CNTN5: variants seen among roughly 807,000 people sequenced by gnomAD.
The protein encoded by CNTN5 is contactin 5.
In CNTN5, 77 loss-of-function variants were observed where a neutral mutation model predicts 129.1. That is an observed-to-expected ratio of 0.60 (90% CI 0.50 to 0.72). The LOEUF is 0.72. Ranked by LOEUF, CNTN5 falls within the 30% of genes least tolerant of loss-of-function variation. The pLI, the probability that CNTN5 is intolerant of heterozygous loss-of-function variation, is 0.00. For synonymous variants in CNTN5, 509 were observed against 465.6 expected (o/e 1.09, Z -1.20); for missense variants, 1,478 against 1,328.8 (o/e 1.11, Z -1.75).
intron 3 of CNTN5, among the ~76,000 whole-genome samples, chr11:99,680,184 A>AT: frequency 6.6e-6 from 1 of 152,308 alleles, no homozygotes; most frequent in Middle Eastern, 3.4e-3. Flanking sequence ...ATCTAAGATC[A>AT]TGGACAAAAC....
chr11:99,139,101 ACC>A lies in CNTN5; in HGVS notation c.-210+117842_-210+117843del, dbSNP rs113293616. On this transcript the variant is annotated intron_variant, in intron 1 of 24. Coordinates refer to ENST00000524871, the MANE Select transcript of CNTN5 (RefSeq NM_014361.4). ...GAAACTCCATCTCTACCCCCTCCCC[ACC>A]CCCCCCCCCCAAAAATTAGCCAGGC... Among the ~76,000 whole-genome samples, 20 of 129,072 alleles carry A rather than the reference ACC, an allele frequency of 1.5e-4. No individual in the cohort carries two copies. The South Asian group carries it at 2.4e-3, about 15-fold the overall frequency. The allele number at this position is 129,072 out of a possible 152,430, so 84.7% of individuals were successfully genotyped here. A position where few individuals can be genotyped will look rare whatever the true frequency, so the allele number is the denominator to read the frequency against.
intron 17 of CNTN5, among the ~76,000 whole-genome samples, chr11:100,262,725 T>G (rs902907218): frequency 6.6e-6 from 1 of 152,000 alleles, no homozygotes; most frequent in African/African-American, 2.4e-5. Flanking sequence ...CACTCATAAG[T>G]GGAAGTTGAA....
At position 100,193,505 on chromosome 11, in the gene CNTN5, C is replaced by A; in HGVS notation, c.1726C>A (p.Leu576Ile). 1 of 1,595,776 alleles carries A rather than the reference C, an allele frequency of 6.3e-7. No homozygotes were observed. Among genetic ancestry groups the A allele is most frequent in the Non-Finnish European group, 8.6e-7 (1 of 1,169,106 alleles). The change falls in exon 15 of 25, where the codon CTT becomes ATT. Residue 576 changes from leucine (L) to isoleucine (I), a missense_variant. By Grantham distance (5) the Leu-to-Ile change is conservative. Coordinates refer to ENST00000524871, the MANE Select transcript of CNTN5 (RefSeq NM_014361.4). ...TTCTATAGAACCTACAAGGATAGAACTTACTCCTAAAAGAACAGAATTGAC... is the reference window on the plus strand; with the variant it reads ...TTCTATAGAACCTACAAGGATAGAAATTACTCCTAAAAGAACAGAATTGAC... ...LSVKEPTRIE[L>I]TPKRTELTVG...
At chr11:100,113,653 A>G (rs913506017) in intron 13 of CNTN5, among the ~76,000 whole-genome samples, 7 of 151,940 alleles carry the variant, frequency 4.6e-5, no homozygotes, top group Admixed American at 1.3e-4. Context: ...CTGAATGCAT[A>G]ATTTTCCCCA....
chr11:100,255,660 G>A (rs2138725839), intron 16 of CNTN5, 100 bp from the exon 17 acceptor site: 1 of 989,212 alleles, frequency 1.0e-6, no homozygotes, highest in Non-Finnish European at 1.5e-6. Flanking sequence ...TTTCATTAAG[G>A]TGATTACATA....
chr11:99,143,150 C>T (rs1859606090), intron 1 of CNTN5, among the ~76,000 whole-genome samples: 3 of 151,866 alleles, frequency 2.0e-5, no homozygotes, highest in Admixed American at 1.3e-4. Context: ...TATCCGATGA[C>T]ATTAAGGCAG....
intron 1 of CNTN5, among the ~76,000 whole-genome samples, chr11:99,025,934 C>A (rs1315918405): frequency 2.0e-5 from 3 of 151,564 alleles, no homozygotes; most frequent in Non-Finnish European, 4.4e-5. Context: ...TATTCTAATT[C>A]ACCTAGGTTC....
intron 8 of CNTN5, among the ~76,000 whole-genome samples, chr11:99,990,449 T>TAC (rs1241963020): frequency 3.2e-4 from 24 of 75,774 alleles, no homozygotes; most frequent in African/African-American, 1.2e-3. Context: ...TTAGAATATA[T>TAC]ATATATACAC....
At chr11:100,328,225 G>A (rs967883951) in intron 21 of CNTN5, among the ~76,000 whole-genome samples, 5 of 152,004 alleles carry the variant, frequency 3.3e-5, no homozygotes, top group South Asian at 2.1e-4. Context: ...GTGTGTTGGC[G>A]CACACCTGTA....
chr11:99,600,926 T>C (rs1950293420), intron 3 of CNTN5, among the ~76,000 whole-genome samples: 1 of 152,198 alleles, frequency 6.6e-6, no homozygotes, highest in African/African-American at 2.4e-5. Flanking sequence ...TCGTTGACAC[T>C]GAACTTCTAC....
intron 7 of CNTN5, among the ~76,000 whole-genome samples, chr11:99,934,685 GGC>G (rs1260845532): frequency 2.0e-5 from 3 of 151,858 alleles, no homozygotes; most frequent in Admixed American, 2.0e-4. Context: ...AGGAGTTCAA[GGC>G]CAGCCTGGCC....
intron 18 of CNTN5, among the ~76,000 whole-genome samples, chr11:100,289,440 C>A (rs554004999): frequency 4.6e-5 from 7 of 150,846 alleles, no homozygotes; most frequent in African/African-American, 1.5e-4. Context: ...CCCTGGGATG[C>A]AAGGCTGGTT....
chr11:99,346,943 A>G (rs1937921103), intron 2 of CNTN5, among the ~76,000 whole-genome samples: 1 of 152,212 alleles, frequency 6.6e-6, no homozygotes, highest in African/African-American at 2.4e-5. Context: ...TTTGTTATAG[A>G]AGCTACCCAC....
At position 100,302,021 on chromosome 11, in the gene CNTN5, T is replaced by C. The variant is rs1349962051; in HGVS notation, c.2620+2625T>C. On this transcript the variant is annotated intron_variant, in intron 20 of 24. Coordinates refer to ENST00000524871, the MANE Select transcript of CNTN5 (RefSeq NM_014361.4). ...TGGCTTCACTACATTGCAAACTGAG[T>C]GAAAGAGTGAGACCTTGTCTCAAAA... Among the ~76,000 whole-genome samples, 7 of 151,434 alleles carry C rather than the reference T, an allele frequency of 4.6e-5. No individual in the cohort carries two copies. The South Asian group carries it at 1.5e-3, about 31-fold the overall frequency.
At chr11:100,199,905 A>G (rs572895192) in intron 15 of CNTN5, among the ~76,000 whole-genome samples, 27 of 152,082 alleles carry the variant, frequency 1.8e-4, no homozygotes, top group African/African-American at 5.5e-4. Context: ...CAGCTAGCCA[A>G]TGCTGTTTCA....
At chr11:100,049,060 TG>T (rs1353168971) in intron 9 of CNTN5, among the ~76,000 whole-genome samples, 1 of 152,092 alleles carries the variant, frequency 6.6e-6, no homozygotes, top group Non-Finnish European at 1.5e-5. Context: ...CCACAAGAAA[TG>T]TTAAGGAAAA....
chr11:100,115,784 T>C (rs1318570874), intron 13 of CNTN5, among the ~76,000 whole-genome samples: 3 of 152,088 alleles, frequency 2.0e-5, no homozygotes, highest in Non-Finnish European at 2.9e-5. Flanking sequence ...GAAATAATTA[T>C]TTAAATGGAA....
chr11:99,112,954 A>T (rs1013098746), intron 1 of CNTN5, among the ~76,000 whole-genome samples: 2 of 151,914 alleles, frequency 1.3e-5, no homozygotes, highest in East Asian at 1.9e-4. Flanking sequence ...GTGAGGTGAG[A>T]TTTACAAATG....
chr11:99,190,403 A>G (rs1858576084), intron 1 of CNTN5, among the ~76,000 whole-genome samples: 3 of 151,682 alleles, frequency 2.0e-5, no homozygotes, highest in Admixed American at 2.0e-4. Context: ...GTTCTATACA[A>G]ACTGTAAGAT....
Sources: allele counts gnomAD v4.1 joint callset (sites outside exome capture counted in the v4.1 genomes callset), GRCh38; gene constraint gnomAD v4.1.1; transcripts MANE v1.5; gene names NCBI Gene and HGNC (gene_info 2026-07-23, HGNC 2026-07-21).